GRIA2: variants seen among roughly 807,000 people sequenced by gnomAD.
GRIA2 encodes the protein glutamate ionotropic receptor AMPA type subunit 2, also known as glutamate receptor 2.
GRIA2 carries 14 observed loss-of-function variants against 97.3 expected under a neutral mutation model. The ratio of observed to expected loss-of-function variants is 0.14; its 90% confidence interval spans 0.10 to 0.23. GRIA2 has a LOEUF of 0.23. Ranked by LOEUF, GRIA2 falls within the 10% of genes least tolerant of loss-of-function variation. The pLI is 1.00. For synonymous variants in GRIA2, 412 were observed against 387.8 expected, an observed-to-expected ratio of 1.06 and a Z score of -0.73; for missense variants, 558 against 1,069.8, an observed-to-expected ratio of 0.52 and a Z score of 6.67.
rs758047245 is a variant in GRIA2 at position 157,317,666 on chromosome 4, C to T, written c.675C>T (p.Thr225=). Residue 225 remains threonine, a synonymous_variant, in exon 5 of 16, where the codon ACC becomes ACT. Coordinates refer to ENST00000264426, the MANE Select transcript of GRIA2 (RefSeq NM_001083619.3). ...KVNDIVDQVI[T]IGKHVKGYHY... is the part of the protein sequence containing the mutation. ...TTATTTGTGCTTATTAGGTTATTAC[C>T]ATTGGAAAACATGTTAAAGGGTACC... The T allele has an allele frequency of 4.3e-6, 5 of 1,153,402 alleles. No individual in the cohort carries two copies. The African/African-American group carries it at 7.5e-5, about 17-fold the overall frequency. The allele number at this position is 1,153,402 out of a possible 1,614,324, so 71.4% of individuals were successfully genotyped here. A position where few individuals can be genotyped will look rare whatever the true frequency, so the allele number is the denominator to read the frequency against.
At chr4:157,258,893 G>A (rs1324056573) in intron 2 of GRIA2, among the ~76,000 whole-genome samples, 1 of 151,940 alleles carries the variant, frequency 6.6e-6, no homozygotes, top group African/African-American at 2.4e-5. Flanking sequence ...TTATAAGGCA[G>A]AAAGAAACAG....
At chr4:157,283,095 T>G (rs1274949263) in intron 2 of GRIA2, among the ~76,000 whole-genome samples, 1 of 152,090 alleles carries the variant, frequency 6.6e-6, no homozygotes, top group Non-Finnish European at 1.5e-5. Flanking sequence ...ATAAATGCTT[T>G]TCTAAACTTT....
chr4:157,315,527 G>GTTTGT (rs140239463), intron 4 of GRIA2, among the ~76,000 whole-genome samples: 195 of 150,116 alleles, frequency 1.3e-3, no homozygotes, highest in East Asian at 4.3e-3. Flanking sequence ...TTGTTTGTTT[G>GTTTGT]TTTGTTTTGT....
intron 3 of GRIA2, among the ~76,000 whole-genome samples, chr4:157,306,812 T>C (rs1443009409): frequency 2.6e-5 from 4 of 152,198 alleles, no homozygotes; most frequent in Non-Finnish European, 4.4e-5. Context: ...GTGTGAACTG[T>C]TTTCCCCCAT....
intron 2 of GRIA2, among the ~76,000 whole-genome samples, chr4:157,287,122 G>T (rs953897128): frequency 6.6e-6 from 1 of 151,448 alleles, no homozygotes; most frequent in African/African-American, 2.4e-5. Context: ...CTAATTCTCA[G>T]TAAAACATCT....
intron 3 of GRIA2, among the ~76,000 whole-genome samples, chr4:157,309,834 A>G (rs1256288813): frequency 6.6e-6 from 1 of 152,170 alleles, no homozygotes; most frequent in Non-Finnish European, 1.5e-5. Flanking sequence ...AGTATGCTTT[A>G]TAATTAAATA....
chr4:157,312,612 A>G, intron 3 of GRIA2, 67 bp from the exon 4 acceptor site: 1 of 875,154 alleles, frequency 1.1e-6, no homozygotes, highest in Non-Finnish European at 1.7e-6. Flanking sequence ...TTCACTGGCA[A>G]TTTCATAACA....
intron 12 of GRIA2, among the ~76,000 whole-genome samples, chr4:157,356,718 A>G (rs996114975): frequency 2.0e-5 from 3 of 152,132 alleles, no homozygotes; most frequent in Non-Finnish European, 2.9e-5. Flanking sequence ...TAAGAACAGT[A>G]TCTTAGTTGA....
At chr4:157,266,665 T>A (rs770095681) in intron 2 of GRIA2, among the ~76,000 whole-genome samples, 5 of 152,166 alleles carry the variant, frequency 3.3e-5, no homozygotes, top group African/African-American at 1.2e-4. Context: ...CATGGACTTA[T>A]CTGGAGATGT....
intron 3 of GRIA2, among the ~76,000 whole-genome samples, chr4:157,310,133 C>T (rs1203906717): frequency 6.6e-6 from 1 of 152,018 alleles, no homozygotes; most frequent in Non-Finnish European, 1.5e-5. Context: ...ACCAGCTGTG[C>T]GTGTTCTGTC....
At chr4:157,333,217 A>C (rs113378576) in intron 7 of GRIA2, 32 bp from the exon 8 acceptor site, 1 of 1,274,658 alleles carries the variant, frequency 7.8e-7, no homozygotes, top group African/African-American at 1.5e-5. Flanking sequence ...AAGTAAATAT[A>C]TAACTCTGCT....
In GRIA2 at chr4:157,363,584, G is replaced by A; in HGVS notation, c.*153G>A. The A allele has an allele frequency of 8.1e-7, 1 of 1,233,650 alleles. No individual in the cohort carries two copies. Among genetic ancestry groups the A allele is most frequent in the Non-Finnish European group, 1.0e-6 (1 of 987,566 alleles). 76.4% of individuals were successfully genotyped at this position (1,233,650 alleles called of 1,614,324 possible). On this transcript the variant is annotated 3_prime_UTR_variant, in exon 16 of 16. Coordinates refer to ENST00000264426, the MANE Select transcript of GRIA2 (RefSeq NM_001083619.3). ...CTGGCATGGGAATGAATGTCAGTGT[G>A]ACTGATCTCTCGTGATTGATAAGAA...
At chr4:157,312,616 C>G in intron 3 of GRIA2, 63 bp from the exon 4 acceptor site, 2 of 903,754 alleles carry the variant, frequency 2.2e-6, no homozygotes, top group South Asian at 4.7e-5. Context: ...CTGGCAATTT[C>G]ATAACACAAT....
chr4:157,258,135 A>G (rs941698224), intron 2 of GRIA2, among the ~76,000 whole-genome samples: 3 of 152,068 alleles, frequency 2.0e-5, no homozygotes, highest in Non-Finnish European at 4.4e-5. Context: ...TTTAAACAGT[A>G]TGAAATCTGG....
chr4:157,231,353 T>A (rs1730011067), intron 2 of GRIA2, among the ~76,000 whole-genome samples: 1 of 152,140 alleles, frequency 6.6e-6, no homozygotes, highest in Admixed American at 6.6e-5. Flanking sequence ...TTTTATTTTT[T>A]ATTTTTGCAG....
Position 157,355,922 on chromosome 4 carries a change from T to TAA in GRIA2, c.2044-3974_2044-3973insAA, listed in dbSNP as rs1401943296. On this transcript the variant is annotated intron_variant, in intron 12 of 15. Transcript: ENST00000264426. ...ATATAAATATATATATATTAATATA[T>TAA]TTATATATATTTATATATTAATATA... Among the ~76,000 whole-genome samples, 107 of 21,410 alleles carry TAA rather than the reference T, an allele frequency of 5.0e-3. 6 individuals are homozygous for TAA. Among genetic ancestry groups the TAA allele is most frequent in the Non-Finnish European group, 0.012 (93 of 7,786 alleles). The allele number at this position is 21,410 out of a possible 152,430, so 14.0% of individuals were successfully genotyped here. A position where few individuals can be genotyped will look rare whatever the true frequency, so the allele number is the denominator to read the frequency against.
chr4:157,336,064 A>G (rs1267726774), intron 10 of GRIA2, among the ~76,000 whole-genome samples, 187 bp downstream of exon 10: 1 of 152,060 alleles, frequency 6.6e-6, no homozygotes, highest in East Asian at 1.9e-4. Context: ...CATGTAGATT[A>G]ACTGAGACAA....
intron 4 of GRIA2, among the ~76,000 whole-genome samples, chr4:157,316,658 T>C (rs1734337000): frequency 6.6e-6 from 1 of 152,116 alleles, no homozygotes; most frequent in African/African-American, 2.4e-5. Context: ...CCAATGTGAC[T>C]TGAGGGTACA....
intron 4 of GRIA2, among the ~76,000 whole-genome samples, chr4:157,315,163 T>G (rs1734255524): frequency 1.3e-5 from 2 of 152,128 alleles, no homozygotes; most frequent in African/African-American, 4.8e-5. Context: ...CTGCAGTAGA[T>G]CCAAGGAAGC....
Sources: gnomAD v4.1 joint callset for allele counts (sites outside exome capture counted in the v4.1 genomes callset) on GRCh38, gnomAD v4.1.1 for gene constraint, MANE v1.5 for transcripts, NCBI Gene and HGNC (gene_info 2026-07-23, HGNC 2026-07-21) for gene names.